MCC: variants seen among roughly 807,000 people sequenced by gnomAD.
MCC encodes MCC regulator of Wnt signaling pathway.
Under a neutral mutation model 116.2 loss-of-function variants are expected in MCC, and 90 were observed. The ratio of observed to expected loss-of-function variants is 0.77; its 90% CI spans 0.65 to 0.92. MCC has a LOEUF of 0.92. Among genes scored for constraint, MCC ranks in the 40% least tolerant of loss-of-function variants. The probability of loss-of-function intolerance (pLI) is 0.00; values close to 1 mark genes in which losing one functional copy is unlikely to be tolerated. For synonymous variants in MCC, 578 were observed against 510.5 expected, an observed-to-expected ratio of 1.13 and a Z score of -1.78; for missense variants, 1,516 against 1,312.2, an observed-to-expected ratio of 1.16 and a Z score of -2.40.
chr5:113,073,563 C>A (rs1754194908), intron 11 of MCC, among the ~76,000 whole-genome samples: 1 of 152,238 alleles, frequency 6.6e-6, no homozygotes, highest in African/African-American at 2.4e-5. Context: ...CTTCCCCTTA[C>A]TCCATTTCAG....
chr5:113,284,545 A>G (rs1386388926), intron 3 of MCC, among the ~76,000 whole-genome samples: 1 of 152,230 alleles, frequency 6.6e-6, no homozygotes, highest in Non-Finnish European at 1.5e-5. Context: ...CAGAAGAGAA[A>G]AAAATATCCC....
chr5:113,125,292 A>G (rs1190209700), intron 5 of MCC, among the ~76,000 whole-genome samples: 1 of 152,166 alleles, frequency 6.6e-6, no homozygotes, highest in East Asian at 1.9e-4. Context: ...TGAGAAGAAG[A>G]GAAATGCATT....
intron 11 of MCC, among the ~76,000 whole-genome samples, chr5:113,076,887 T>C (rs897040321): frequency 3.9e-5 from 6 of 152,200 alleles, no homozygotes; most frequent in African/African-American, 1.4e-4. Flanking sequence ...TCAAGACCCA[T>C]GAGTGTGCTG....
intron 1 of MCC, chr5:113,433,714 C>T (rs772926633): frequency 6.3e-6 from 10 of 1,598,556 alleles, no homozygotes; most frequent in Non-Finnish European, 8.5e-6. Context: ...AGCTCCATCT[C>T]ATTCCCTGGG....
intron 1 of MCC, among the ~76,000 whole-genome samples, chr5:113,484,623 A>G (rs1014370422): frequency 1.3e-5 from 2 of 152,216 alleles, no homozygotes; most frequent in African/African-American, 4.8e-5. Context: ...CGGCAGGATA[A>G]AGCAAATCTA....
In MCC at chr5:113,143,326, T is replaced by C. The variant is rs780622149; in HGVS notation, c.776A>G (p.Asp259Gly). The part of the protein sequence containing the change: ...EQSHLMREHE[D>G]VQERTTLRYE... The stretch of plus-strand genomic sequence containing the variant: ...GCGAAGTGTCGTTCGCTCCTGGACA[T>C]CCTCATGCTCTCTCATGAGGTGGGA... Residue 259 changes from aspartate (D) to glycine (G), a missense_variant, in exon 5 of 19, where the codon GAT becomes GGT. By Grantham distance (94) the Asp-to-Gly change is moderately conservative (BLOSUM62 -1). Coordinates refer to ENST00000408903, the MANE Select transcript of MCC (RefSeq NM_001085377.2). 9 of 1,613,668 alleles carry C rather than the reference T, an allele frequency of 5.6e-6. No individual in the cohort carries two copies. The South Asian group carries it at 8.8e-5, about 16-fold the overall frequency.
chr5:113,223,393 T>C (rs1436557710), intron 3 of MCC, among the ~76,000 whole-genome samples: 1 of 152,194 alleles, frequency 6.6e-6, no homozygotes, highest in Non-Finnish European at 1.5e-5. Flanking sequence ...AAAGTACCTG[T>C]TCCCCTTGGA....
At chr5:113,403,720 G>A (rs148206045) in intron 1 of MCC, among the ~76,000 whole-genome samples, 1 of 152,318 alleles carries the variant, frequency 6.6e-6, no homozygotes, top group East Asian at 1.9e-4. Flanking sequence ...GGAGCGAGCT[G>A]TAAGCCCCCA....
intron 1 of MCC, among the ~76,000 whole-genome samples, chr5:113,417,614 T>C (rs565067835): frequency 7.7e-4 from 117 of 152,308 alleles, no homozygotes; most frequent in African/African-American, 2.7e-3. Flanking sequence ...TTTCTAGATT[T>C]CTTATGCACA....
intron 3 of MCC, among the ~76,000 whole-genome samples, chr5:113,191,401 C>T (rs187677456): frequency 1.2e-4 from 18 of 152,180 alleles, no homozygotes; most frequent in Non-Finnish European, 1.5e-4. Flanking sequence ...CCAGGAACAT[C>T]GTTGGTCATT....
Position 113,132,323 on chromosome 5 carries a change from A to C in MCC, c.885-9497T>G, listed in dbSNP as rs528681063. ...AGTACCAACTCACCCTATATGAAAT[A>C]ATAGGAGAAAATAAGAGGAAAAAGA... On this transcript the variant is annotated intron_variant, in intron 5 of 18. Transcript: ENST00000408903. Among the ~76,000 whole-genome samples the C allele has an allele frequency of 2.7e-5, 4 of 149,652 alleles. No individual in the cohort carries two copies. In the East Asian group the frequency reaches 7.8e-4, roughly 29 times the overall value.
chr5:113,442,896 C>T (rs1177954306), intron 1 of MCC, among the ~76,000 whole-genome samples: 2 of 152,192 alleles, frequency 1.3e-5, no homozygotes, highest in East Asian at 3.8e-4. Flanking sequence ...GTTTTGGTTA[C>T]TGTAGCCTTG....
At chr5:113,087,386 C>T (rs1755272111) in intron 8 of MCC, among the ~76,000 whole-genome samples, 1 of 152,118 alleles carries the variant, frequency 6.6e-6, no homozygotes. Flanking sequence ...GGGCTAAACT[C>T]AAAATAGCCT....
chr5:113,069,883 G>C (rs1335310986), intron 12 of MCC, among the ~76,000 whole-genome samples: 1 of 152,218 alleles, frequency 6.6e-6, no homozygotes, highest in East Asian at 1.9e-4. Context: ...ACCGCGCCCA[G>C]CGTCAATTGA....
At chr5:113,482,033 G>C (rs1561594939) in intron 1 of MCC, among the ~76,000 whole-genome samples, 1 of 152,080 alleles carries the variant, frequency 6.6e-6, no homozygotes, top group Non-Finnish European at 1.5e-5. Context: ...TTTTGTGACT[G>C]GCTTCTTTCA....
chr5:113,256,982 T>A (rs1016825845), intron 3 of MCC, among the ~76,000 whole-genome samples: 2 of 152,176 alleles, frequency 1.3e-5, no homozygotes, highest in African/African-American at 4.8e-5. Context: ...AGGAAAAGAA[T>A]CTGGCAGGAG....
In MCC at chr5:113,247,916, A is replaced by G. The variant is rs1339351008; in HGVS notation, c.627+92603T>C. ...TCAGATGCTGAACTAAAGCCCTGGA[A>G]AGCCATCAGGAAGCACAGTGTTGAG... On this transcript the variant is annotated intron_variant, in intron 3 of 18. Coordinates refer to ENST00000408903, the MANE Select transcript of MCC (RefSeq NM_001085377.2). Among the ~76,000 whole-genome samples, 6 of 152,258 alleles carry G rather than the reference A, an allele frequency of 3.9e-5. No individual in the cohort carries two copies. In the East Asian group the frequency reaches 1.2e-3, roughly 29 times the overall value.
At chr5:113,049,341 C>G in intron 15 of MCC, 42 bp from the exon 16 acceptor site, 1 of 1,481,766 alleles carries the variant, frequency 6.7e-7, no homozygotes, top group Non-Finnish European at 9.1e-7. Context: ...CATGCCCTAT[C>G]TGAGAGCAGG....
At chr5:113,377,838 C>T (rs913729988) in intron 2 of MCC, among the ~76,000 whole-genome samples, 1 of 152,034 alleles carries the variant, frequency 6.6e-6, no homozygotes, top group African/African-American at 2.4e-5. Flanking sequence ...TTATAACTCC[C>T]AATTAAATAT....
Sources: gnomAD v4.1 joint callset for allele counts (sites outside exome capture counted in the v4.1 genomes callset) on GRCh38, gnomAD v4.1.1 for gene constraint, MANE v1.5 for transcripts, NCBI Gene and HGNC (gene_info 2026-07-23, HGNC 2026-07-21) for gene names.